The following PCDHA3 variants were observed in gnomAD, a reference collection of about 807,000 sequenced individuals.
PCDHA3 encodes protocadherin alpha-3.
A neutral mutation model predicts 62.2 loss-of-function variants in PCDHA3; 41 were observed. That is an observed-to-expected ratio of 0.66 (90% CI 0.51 to 0.86). The LOEUF (loss-of-function observed/expected upper bound fraction) is 0.86, where lower values mean the gene tolerates loss of function less well. PCDHA3 is among the 40% of genes least tolerant of loss of function. PCDHA3 has a pLI of 0.00. For missense variants in PCDHA3, 1,304 were observed against 1,241.2 expected (o/e 1.05, Z -0.76); for synonymous variants, 640 against 555.4 (o/e 1.15, Z -2.14).
At chr5:140,949,626 G>A (rs2094403314) in intron 1 of PCDHA3, among the ~76,000 whole-genome samples, 1 of 151,546 alleles carries the variant, frequency 6.6e-6, no homozygotes, top group Non-Finnish European at 1.5e-5. Context: ...CTGTTTTCAT[G>A]GCATATTGCT....
chr5:140,967,073 G>C (rs1554229137), intron 1 of PCDHA3: 1 of 1,613,160 alleles, frequency 6.2e-7, no homozygotes, highest in Non-Finnish European at 8.5e-7. Context: ...CTTCGTCAAC[G>C]AGCGCATTGA....
At chr5:140,902,905 G>A (rs933013740) in intron 1 of PCDHA3, among the ~76,000 whole-genome samples, 3 of 152,174 alleles carry the variant, frequency 2.0e-5, no homozygotes, top group Admixed American at 6.5e-5. Flanking sequence ...TTTAGTTTAT[G>A]GCTGAGTAGT....
At chr5:140,917,940 G>T (rs2078445007) in intron 1 of PCDHA3, among the ~76,000 whole-genome samples, 1 of 151,950 alleles carries the variant, frequency 6.6e-6, no homozygotes, top group African/African-American at 2.4e-5. Flanking sequence ...AATAATATTG[G>T]TAGTTTGATA....
chr5:140,927,077 G>A (rs568623488), intron 1 of PCDHA3: 1 of 1,610,844 alleles, frequency 6.2e-7, no homozygotes, highest in Non-Finnish European at 8.5e-7. Context: ...TCCAGCCACC[G>A]CGAGCTCTAC....
intron 3 of PCDHA3, among the ~76,000 whole-genome samples, chr5:140,992,975 T>G (rs2097535680): frequency 6.6e-6 from 1 of 152,178 alleles, no homozygotes; most frequent in Admixed American, 6.6e-5. Context: ...TGACAATGAT[T>G]AGGCCATGGG....
chr5:140,928,959 T>C (rs782250969), intron 1 of PCDHA3: 1 of 1,613,980 alleles, frequency 6.2e-7, no homozygotes, highest in South Asian at 1.1e-5. Context: ...TTGCCTTGGC[T>C]TGTATTTCCT....
At chr5:140,911,759 T>A (rs2075630155) in intron 1 of PCDHA3, among the ~76,000 whole-genome samples, 3 of 152,026 alleles carry the variant, frequency 2.0e-5, no homozygotes, top group South Asian at 2.1e-4. Context: ...TTCTCCATAC[T>A]ATTAGAAGTA....
chr5:140,819,827 T>C (rs1029302500), intron 1 of PCDHA3, among the ~76,000 whole-genome samples: 4 of 152,058 alleles, frequency 2.6e-5, no homozygotes, highest in Admixed American at 6.5e-5. Context: ...TGAACTGATA[T>C]TGTTGATGAC....
At chr5:140,823,513 G>C in intron 1 of PCDHA3, 2 of 1,613,474 alleles carry the variant, frequency 1.2e-6, no homozygotes, top group Non-Finnish European at 1.7e-6. Flanking sequence ...GAGCGAGCTG[G>C]TGCCGAGGTC....
chr5:140,967,228 G>A (rs1316363900), intron 1 of PCDHA3: 3 of 1,613,652 alleles, frequency 1.9e-6, no homozygotes, highest in Non-Finnish European at 2.5e-6. Flanking sequence ...CCAACTACCA[G>A]CTTCAGGTAA....
intron 1 of PCDHA3, chr5:140,870,336 C>T (rs782392888): frequency 2.3e-5 from 37 of 1,614,034 alleles, no homozygotes; most frequent in Non-Finnish European, 2.9e-5. Flanking sequence ...TGGACAGCGC[C>T]CTGGACCGCG....
At chr5:140,857,208 C>G (rs1554149670) in intron 1 of PCDHA3, 4 of 1,598,578 alleles carry the variant, frequency 2.5e-6, no homozygotes, top group Non-Finnish European at 3.4e-6. Flanking sequence ...GTCACCTGCT[C>G]TCTGACGCCT....
At chr5:140,899,255 C>A (rs532751288) in intron 1 of PCDHA3, among the ~76,000 whole-genome samples, 1 of 152,258 alleles carries the variant, frequency 6.6e-6, no homozygotes, top group East Asian at 1.9e-4. Flanking sequence ...GAGAGGGCAT[C>A]CCTGTCTTGT....
chr5:140,882,270 T>C lies in PCDHA3; in HGVS notation c.2394+78679T>C, dbSNP rs782125538. ...GCTCTGAGGTTTTTGGAGTGTACCA[T>C]GCTGTCTTCCTGGCAAGGAGGCCCA... On this transcript the variant is annotated intron_variant, in intron 1 of 3. Coordinates refer to ENST00000522353, the MANE Select transcript of PCDHA3 (RefSeq NM_018906.3). 35 of 1,611,468 alleles carry C rather than the reference T, an allele frequency of 2.2e-5. 1 individual carries two copies. The South Asian group carries it at 3.9e-4, about 18-fold the overall frequency.
Position 140,809,588 on chromosome 5 carries a change from C to A in PCDHA3, c.2394+5997C>A, listed in dbSNP as rs531817077. 24 of 1,541,290 alleles carry A rather than the reference C, an allele frequency of 1.6e-5. No individual in the cohort carries two copies. In the South Asian group the frequency reaches 2.3e-4, roughly 15 times the overall value. On this transcript the variant is annotated intron_variant, in intron 1 of 3. Transcript: ENST00000522353. ...CTTTGCAAAGGTTAGTGTATAACAT[C>A]CTTTTGTTTAATTTTCGTATTGTTT...
At chr5:140,923,304 G>T (rs933906504) in intron 1 of PCDHA3, among the ~76,000 whole-genome samples, 2 of 152,172 alleles carry the variant, frequency 1.3e-5, no homozygotes, top group East Asian at 3.9e-4. Context: ...TGGGCGTGGG[G>T]GCGCTTGGCC....
rs782411180 is a variant in PCDHA3 at position 140,801,785 on chromosome 5, GA to G, written c.596del (p.Asn199IlefsTer2). On this transcript the variant is annotated frameshift_variant, in exon 1 of 4. Coordinates refer to ENST00000522353, the MANE Select transcript of PCDHA3 (RefSeq NM_018906.3). LOFTEE classifies it high-confidence loss of function. ...AAATTAAATCCCTTGGACTCGTGTTGAAAAAAAATTTAAATCGAGAGGACAC... is the reference window on the plus strand; with the variant it reads ...AAATTAAATCCCTTGGACTCGTGTTGAAAAAAATTTAAATCGAGAGGACAC... The part of the protein sequence containing the change: ...EEIKSLGLVL[K>X]KNLNREDTPK... The G allele has an allele frequency of 2.2e-5, 35 of 1,613,194 alleles. No homozygotes were observed. Among genetic ancestry groups the G allele is most frequent in the South Asian group, 5.5e-5 (5 of 90,888 alleles).
intron 1 of PCDHA3, among the ~76,000 whole-genome samples, chr5:140,932,458 G>T (rs1316450984): frequency 6.6e-6 from 1 of 151,710 alleles, no homozygotes; most frequent in African/African-American, 2.4e-5. Flanking sequence ...TTTTGCCAGG[G>T]TATATAGGAA....
rs1233105418 is a variant in PCDHA3, at chr5:140,802,973, G to A, written c.1776G>A (p.Ala592=). ...CAGTGGGTGCGGGCCACGTGGTAGC[G>A]AAGGTGCGCGCAGTGGATGCAGACT... is the stretch of plus-strand genomic sequence containing the variant. ...PRSVGAGHVV[A]KVRAVDADSG... is the part of the protein sequence containing the mutation. The change falls in exon 1 of 4, where the codon GCG becomes GCA. Residue 592 remains alanine (A), a synonymous_variant. Coordinates refer to ENST00000522353, the MANE Select transcript of PCDHA3 (RefSeq NM_018906.3). 1.4e-5 allele frequency: 22 copies of A among 1,613,896 alleles called. No individual in the cohort carries two copies. Among genetic ancestry groups the A allele is most frequent in the African/African-American group, 4.0e-5 (3 of 74,948 alleles).
Sources: gnomAD v4.1 joint callset for allele counts (sites outside exome capture counted in the v4.1 genomes callset) on GRCh38, gnomAD v4.1.1 for gene constraint, MANE v1.5 for transcripts, NCBI Gene and HGNC (gene_info 2026-07-23, HGNC 2026-07-21) for gene names.